ITPRIP: variants seen among roughly 807,000 people sequenced by gnomAD.
The protein encoded by ITPRIP is inositol 1,4,5-trisphosphate receptor interacting protein, also known as inositol 1,4,5-trisphosphate receptor-interacting protein.
A neutral mutation model predicts 35.8 loss-of-function variants in ITPRIP; 32 were observed. That is an observed-to-expected ratio of 0.89 (90% CI 0.68 to 1.20). The LOEUF (loss-of-function observed/expected upper bound fraction) is 1.20. ITPRIP is among the 50% of genes most tolerant of loss of function. The pLI, the probability that ITPRIP is intolerant of heterozygous loss-of-function variation, is 0.00. For synonymous variants in ITPRIP, 358 were observed against 324.0 expected (o/e 1.11, Z -1.13); for missense variants, 653 against 735.6 (o/e 0.89, Z 1.30).
In ITPRIP at chr10:104,313,464, T is replaced by C; in HGVS notation, c.*944A>G. ...CTTGTGGTTGCCAATGAAGAAGTGA[T>C]AGAGTTTCTTTTCCAGCTGTCCTTT... On this transcript the variant is annotated 3_prime_UTR_variant, in exon 2 of 2. Transcript: ENST00000337478. 1 of 985,790 alleles carries C rather than the reference T, an allele frequency of 1.0e-6. No individual in the cohort carries two copies. The highest frequency in any genetic ancestry group is 1.2e-6 in the Non-Finnish European group (1 of 830,148). 61.1% of individuals were successfully genotyped at this position (985,790 alleles called of 1,614,324 possible).
chr10:104,329,430 T>C (rs2014104981), intron 1 of ITPRIP, among the ~76,000 whole-genome samples: 10 of 152,108 alleles, frequency 6.6e-5, no homozygotes. Flanking sequence ...TGACATCATT[T>C]TCTAGTCACA....
At position 104,326,558 on chromosome 10, in the gene ITPRIP, C is replaced by G. The variant is rs2014018881; in HGVS notation, c.-13-10494G>C. ...AGACAAGGAGGGGGCTCCCCTGCAA[C>G]CCCTGAGCTCTGGCCCACACCTCCT... On this transcript the variant is annotated intron_variant, in intron 1 of 1. Transcript: ENST00000337478. This position sits in a 1 kb window ranked among gnomAD's most constrained non-coding sequence, Gnocchi z 4.8. 1 of 152,310 alleles carries G rather than the reference C, an allele frequency of 6.6e-6. No individual in the cohort carries two copies. The highest frequency in any genetic ancestry group is 1.5e-5 in the Non-Finnish European group (1 of 68,156). The allele number at this position is 152,310 out of a possible 1,614,324, so 9.4% of individuals were successfully genotyped here.
Position 104,315,413 on chromosome 10 carries a change from G to A in ITPRIP, c.639C>T (p.Pro213=). The change falls in exon 2 of 2, where the codon CCC becomes CCT. Residue 213 remains proline (P), a synonymous_variant. Coordinates refer to ENST00000337478, the MANE Select transcript of ITPRIP (RefSeq NM_001272013.2). The surrounding 1 kb of genome is among the most constrained non-coding windows in gnomAD (Gnocchi z 5.7). Reference sequence around the variant, plus strand: ...AGCGGTAGGGCTCGGGGGGTGTGAAGGGCACGAAAAGGTGGCACAGCAGTG... The same window carrying A: ...AGCGGTAGGGCTCGGGGGGTGTGAAAGGCACGAAAAGGTGGCACAGCAGTG... ...DRPLLCHLFV[P]FTPPEPYRFH... 1 of 1,588,530 alleles carries A rather than the reference G, an allele frequency of 6.3e-7. No homozygotes were observed. The highest frequency in any genetic ancestry group is 8.6e-7 in the Non-Finnish European group (1 of 1,164,366).
chr10:104,319,617 C>T (rs1032568063), intron 1 of ITPRIP, among the ~76,000 whole-genome samples: 3 of 152,092 alleles, frequency 2.0e-5, no homozygotes, highest in African/African-American at 7.2e-5. Flanking sequence ...CACAGGCTGG[C>T]TCTGTCTGCA....
In ITPRIP at chr10:104,312,675, T is replaced by C; in HGVS notation, c.*1733A>G. The C allele has an allele frequency of 1.0e-6, 1 of 985,336 alleles. No individual in the cohort carries two copies. Among genetic ancestry groups the C allele is most frequent in the Non-Finnish European group, 1.2e-6 (1 of 829,924 alleles). 61.0% of individuals were successfully genotyped at this position (985,336 alleles called of 1,614,324 possible). A position where few individuals can be genotyped will look rare whatever the true frequency, so the allele number is the denominator to read the frequency against. On this transcript the variant is annotated 3_prime_UTR_variant, in exon 2 of 2. Coordinates refer to ENST00000337478, the MANE Select transcript of ITPRIP (RefSeq NM_001272013.2). ...CTTCCTATAGGTTTGGTTGCCCTGA[T>C]CACAGCCGAGCTGCCCCACCAGGAA...
At chr10:104,322,479 T>C (rs2013877840) in intron 1 of ITPRIP, among the ~76,000 whole-genome samples, 1 of 152,220 alleles carries the variant, frequency 6.6e-6, no homozygotes, top group Non-Finnish European at 1.5e-5. Context: ...ACAGGCAACC[T>C]GAAACCCGCT....
At position 104,309,777 on chromosome 10, in the gene ITPRIP, A is replaced by C. The variant is rs1214703138; in HGVS notation, c.*4631T>G. The C allele has an allele frequency of 6.6e-6, 1 of 152,200 alleles. No homozygotes were observed. The highest frequency in any genetic ancestry group is 2.4e-5 in the African/African-American group (1 of 41,440). The allele number at this position is 152,200 out of a possible 1,614,324, so 9.4% of individuals were successfully genotyped here. A position where few individuals can be genotyped will look rare whatever the true frequency, so the allele number is the denominator to read the frequency against. On this transcript the variant is annotated 3_prime_UTR_variant, in exon 2 of 2. Transcript: ENST00000337478. ...ACATACATGTGACACATACACAGAA[A>C]AATTTTGGAAGGATACACCAAAAAC...
rs759752712 is a variant in ITPRIP at position 104,314,406 on chromosome 10, C to T, written c.*2G>A. On this transcript the variant is annotated 3_prime_UTR_variant, in exon 2 of 2. Transcript: ENST00000337478. ...CGAGGATCCCACATTCTGTAAAAGA[C>T]GTCAGCTTTTTGGGGTAGGCTGGTC... The T allele has an allele frequency of 5.0e-6, 8 of 1,603,144 alleles. No individual in the cohort carries two copies. Among genetic ancestry groups the T allele is most frequent in the East Asian group, 2.2e-5 (1 of 44,728 alleles).
Position 104,314,975 on chromosome 10 carries a change from C to T in ITPRIP, c.1077G>A (p.Leu359=), listed in dbSNP as rs779889510. The change falls in exon 2 of 2, where the codon CTG becomes CTA. Residue 359 remains leucine, a synonymous_variant. Coordinates refer to ENST00000337478, the MANE Select transcript of ITPRIP (RefSeq NM_001272013.2). The part of the protein sequence containing the change: ...IPVIQCDDSD[L]YFVSHLPREP... ...CCCTGGGAAGGTGGGAGACAAAGTA[C>T]AGGTCCGAGTCATCACACTGGATCA... 16 of 1,613,844 alleles carry T rather than the reference C, an allele frequency of 9.9e-6. No individual in the cohort carries two copies. Among genetic ancestry groups the T allele is most frequent in the South Asian group, 8.8e-5 (8 of 91,086 alleles).
At chr10:104,332,533 T>C (rs2014168279) in intron 1 of ITPRIP, among the ~76,000 whole-genome samples, 1 of 152,210 alleles carries the variant, frequency 6.6e-6, no homozygotes, top group Non-Finnish European at 1.5e-5. Flanking sequence ...CAGGGAGTCC[T>C]CCCTTTCCTG....
chr10:104,321,262 TTC>T (rs1473616928), intron 1 of ITPRIP, among the ~76,000 whole-genome samples: 1 of 152,192 alleles, frequency 6.6e-6, no homozygotes, highest in East Asian at 1.9e-4. Context: ...GCGGGCTTTT[TTC>T]TGTCTGCTTG....
intron 1 of ITPRIP, among the ~76,000 whole-genome samples, chr10:104,331,810 C>CA (rs998743044): frequency 6.6e-6 from 1 of 152,168 alleles, no homozygotes; most frequent in Non-Finnish European, 1.5e-5. Flanking sequence ...AGGCCACACT[C>CA]ACAGAATCTC....
At chr10:104,317,289 T>A (rs2013716689) in intron 1 of ITPRIP, among the ~76,000 whole-genome samples, 1 of 152,212 alleles carries the variant, frequency 6.6e-6, no homozygotes, top group African/African-American at 2.4e-5. Context: ...GATAAGTGGA[T>A]TTTTAAGCCT....
Position 104,315,601 on chromosome 10 carries a change from G to T in ITPRIP, c.451C>A (p.Arg151=). Residue 151 remains arginine, a synonymous_variant, in exon 2 of 2, where the codon CGG becomes AGG. Transcript: ENST00000337478. This position sits in a 1 kb window ranked among gnomAD's most constrained non-coding sequence, Gnocchi z 5.7. ...TLGHFYERCI[R]GATADAARTR... The stretch of plus-strand genomic sequence containing the variant: ...CGGGCTGCATCGGCCGTGGCCCCCC[G>T]GATGCAGCGCTCATAAAAGTGGCCA... 1 of 1,613,348 alleles carries T rather than the reference G, an allele frequency of 6.2e-7. No individual in the cohort carries two copies. Among genetic ancestry groups the T allele is most frequent in the Non-Finnish European group, 8.5e-7 (1 of 1,179,980 alleles).
chr10:104,337,847 TTTTC>T (rs1331815025), intron 1 of ITPRIP, among the ~76,000 whole-genome samples: 1 of 152,162 alleles, frequency 6.6e-6, no homozygotes, highest in Non-Finnish European at 1.5e-5. Flanking sequence ...GCGAACCGGC[TTTTC>T]TTTCTTCGGT....
rs2013481073 is a variant in ITPRIP at position 104,311,341 on chromosome 10, AAAGT to A, written c.*3063_*3066del. The A allele has an allele frequency of 6.6e-6, 1 of 152,248 alleles. No homozygotes were observed. The highest frequency in any genetic ancestry group is 2.1e-4 in the South Asian group (1 of 4,834). The allele number at this position is 152,248 out of a possible 1,614,324, so 9.4% of individuals were successfully genotyped here. A position where few individuals can be genotyped will look rare whatever the true frequency, so the allele number is the denominator to read the frequency against. ...TTTCTTTAACTTTCCATTAAGAAAG[AAAGT>A]GAGAGGGCTTCCTCAGCTAGGGGTA... On this transcript the variant is annotated 3_prime_UTR_variant, in exon 2 of 2. Coordinates refer to ENST00000337478, the MANE Select transcript of ITPRIP (RefSeq NM_001272013.2).
intron 1 of ITPRIP, among the ~76,000 whole-genome samples, chr10:104,321,944 A>C (rs7072534): frequency 6.6e-6 from 1 of 151,874 alleles, no homozygotes; most frequent in Admixed American, 6.6e-5. Context: ...TGGATGCTTC[A>C]GGGCCTGCAG....
Position 104,312,597 on chromosome 10 carries a change from GGA to G in ITPRIP, c.*1809_*1810del, listed in dbSNP as rs1162191235. Reference sequence around the variant, plus strand: ...TGGAGTGCCCCGCAACTGCGTCTAGGGAGAGGCAGGCCCAAGCACATGTTCAG... The same window carrying G: ...TGGAGTGCCCCGCAACTGCGTCTAGGGAGGCAGGCCCAAGCACATGTTCAG... On this transcript the variant is annotated 3_prime_UTR_variant, in exon 2 of 2. Coordinates refer to ENST00000337478, the MANE Select transcript of ITPRIP (RefSeq NM_001272013.2). The G allele has an allele frequency of 5.1e-6, 5 of 985,172 alleles. No individual in the cohort carries two copies. The African/African-American group carries it at 7.0e-5, about 14-fold the overall frequency. 61.0% of individuals were successfully genotyped at this position (985,172 alleles called of 1,614,324 possible). A position where few individuals can be genotyped will look rare whatever the true frequency, so the allele number is the denominator to read the frequency against.
intron 1 of ITPRIP, among the ~76,000 whole-genome samples, chr10:104,335,061 G>T (rs924513153): frequency 1.8e-4 from 28 of 152,334 alleles, no homozygotes; most frequent in African/African-American, 5.5e-4. Flanking sequence ...TGGGACAGGT[G>T]ACGTGATCCA....
Sources: gnomAD v4.1 joint callset for allele counts (sites outside exome capture counted in the v4.1 genomes callset) on GRCh38, gnomAD v4.1.1 for gene constraint, Gnocchi (gnomAD v3.1) non-coding constraint, MANE v1.5 for transcripts, NCBI Gene and HGNC (gene_info 2026-07-23, HGNC 2026-07-21) for gene names.